Variants in CCPG1 observed in about 807,000 individuals in gnomAD.
The protein encoded by CCPG1 is cell cycle progression protein 1.
A neutral mutation model predicts 81.3 loss-of-function variants in CCPG1; 46 were observed. The ratio of observed to expected loss-of-function variants is 0.57; its 90% CI spans 0.45 to 0.72. The LOEUF (loss-of-function observed/expected upper bound fraction) is 0.72. CCPG1 is among the 30% of genes least tolerant of loss of function. The pLI, the probability that CCPG1 is intolerant of heterozygous loss-of-function variation, is 0.00. For synonymous variants in CCPG1, 330 were observed against 305.2 expected, an observed-to-expected ratio of 1.08 and a Z score of -0.85; for missense variants, 902 against 937.6, an observed-to-expected ratio of 0.96 and a Z score of 0.50.
intron 5 of CCPG1, chr15:55,374,216 C>A: frequency 7.8e-7 from 1 of 1,288,890 alleles, no homozygotes; most frequent in Non-Finnish European, 1.0e-6. Flanking sequence ...CCCATATGCA[C>A]TCAGGAATCT....
Position 55,359,529 on chromosome 15 carries a change from G to A in CCPG1, c.2234+10C>T, listed in dbSNP as rs771098410. On this transcript the variant is annotated intron_variant, in intron 8 of 8. Transcript: ENST00000442196. Reference sequence around the variant, plus strand: ...AACTACTGTAATGACACGGTTTTATGTAAACCGACCTGGGTCCATATGGAG... The same window carrying A: ...AACTACTGTAATGACACGGTTTTATATAAACCGACCTGGGTCCATATGGAG... 4.4e-6 allele frequency: 7 copies of A among 1,584,100 alleles called. No individual in the cohort carries two copies. The highest frequency in any genetic ancestry group is 6.0e-6 in the Non-Finnish European group (7 of 1,168,776).
At chr15:55,360,965 GA>G (rs2056180506) in intron 7 of CCPG1, 21 bp from the exon 8 acceptor site, 1 of 1,489,038 alleles carries the variant, frequency 6.7e-7, no homozygotes, top group Admixed American at 2.5e-5. Context: ...TTTTGAAAGA[GA>G]AGAAATAAAA....
At chr15:55,392,696 T>G (rs2056945259) in intron 1 of CCPG1, among the ~76,000 whole-genome samples, 2 of 152,168 alleles carry the variant, frequency 1.3e-5, no homozygotes, top group South Asian at 4.1e-4. Flanking sequence ...TTTGTATTTT[T>G]TGTAAAGACA....
intron 5 of CCPG1, chr15:55,374,302 T>TA (rs2141274991): frequency 3.2e-6 from 3 of 939,896 alleles, no homozygotes; most frequent in African/African-American, 1.7e-5. Flanking sequence ...TTATAAAGAC[T>TA]AAAAAGAAAA....
chr15:55,356,590 C>A, intron 8 of CCPG1, 181 bp from the exon 9 acceptor site: 1 of 1,231,870 alleles, frequency 8.1e-7, no homozygotes, highest in South Asian at 3.5e-5. Context: ...GTTTTTTTGT[C>A]CTATAGAAAG....
At position 55,408,357 on chromosome 15, in the gene CCPG1, G is replaced by C. The variant is rs1418863528; in HGVS notation, c.-146C>G. The C allele has an allele frequency of 6.1e-6, 1 of 162,794 alleles. No individual in the cohort carries two copies. The highest frequency in any genetic ancestry group is 6.4e-5 in the Admixed American group (1 of 15,554). 10.1% of individuals were successfully genotyped at this position (162,794 alleles called of 1,614,324 possible). On this transcript the variant is annotated 5_prime_UTR_variant, in exon 1 of 9. Coordinates refer to ENST00000442196, the MANE Select transcript of CCPG1 (RefSeq NM_001204450.2). ...GCAGCCGGCAGGCGGTGACCGGCTG[G>C]GCGCCGCAGTGCATGCCGTGACGCG...
chr15:55,381,426 ACT>A (rs1443522670), intron 3 of CCPG1, among the ~76,000 whole-genome samples: 1 of 152,190 alleles, frequency 6.6e-6, no homozygotes, highest in Non-Finnish European at 1.5e-5. Context: ...ACAGTGCGAG[ACT>A]CTGTCTCATA....
intron 1 of CCPG1, among the ~76,000 whole-genome samples, chr15:55,405,148 G>T (rs1368316650): frequency 6.6e-6 from 1 of 151,358 alleles, no homozygotes; most frequent in Non-Finnish European, 1.5e-5. Flanking sequence ...ACCACCTGAG[G>T]TCGGGAGTTT....
intron 3 of CCPG1, among the ~76,000 whole-genome samples, chr15:55,381,693 A>T (rs1461230412): frequency 6.6e-6 from 1 of 152,188 alleles, no homozygotes; most frequent in Non-Finnish European, 1.5e-5. Flanking sequence ...TTTTACTGTA[A>T]TTTTTTTAAA....
chr15:55,378,117 T>C (rs1353768888), intron 4 of CCPG1, among the ~76,000 whole-genome samples, 183 bp downstream of exon 4: 1 of 152,230 alleles, frequency 6.6e-6, no homozygotes, highest in Non-Finnish European at 1.5e-5. Context: ...GGTGAAAAGA[T>C]AGATCTTTAA....
chr15:55,372,274 TG>T, intron 5 of CCPG1: 1 of 564,430 alleles, frequency 1.8e-6, no homozygotes, highest in Non-Finnish European at 3.1e-6. Context: ...TCATACTATT[TG>T]GTGCTTTGAG....
At chr15:55,384,876 A>G (rs916899744) in intron 3 of CCPG1, among the ~76,000 whole-genome samples, 1 of 152,218 alleles carries the variant, frequency 6.6e-6, no homozygotes, top group Non-Finnish European at 1.5e-5. Context: ...CTCCATCAAC[A>G]TGATAATAAC....
At chr15:55,386,886 G>C (rs972615437) in intron 2 of CCPG1, among the ~76,000 whole-genome samples, 26 of 143,878 alleles carry the variant, frequency 1.8e-4, no homozygotes, top group Non-Finnish European at 3.5e-4. Context: ...GACAGAGCAA[G>C]ACTCCATCTC....
intron 7 of CCPG1, among the ~76,000 whole-genome samples, chr15:55,363,544 G>T (rs1485377741): frequency 4.7e-5 from 7 of 150,434 alleles, no homozygotes; most frequent in African/African-American, 1.7e-4. Flanking sequence ...AACTTCAGAA[G>T]TACCTCCCTG....
intron 5 of CCPG1, among the ~76,000 whole-genome samples, chr15:55,374,825 T>C (rs1271758398): frequency 1.3e-5 from 2 of 152,036 alleles, no homozygotes; most frequent in Non-Finnish European, 2.9e-5. Flanking sequence ...TACAGGCACC[T>C]GGCTAAATTT....
In CCPG1 at chr15:55,373,222, T is replaced by C. The variant is rs576387078; in HGVS notation, c.455-1178A>G. On this transcript the variant is annotated intron_variant, in intron 5 of 8. Coordinates refer to ENST00000442196, the MANE Select transcript of CCPG1 (RefSeq NM_001204450.2). ...TGTTTCTTATGTCAACAAACTATTA[T>C]GTTGACACAGAAGCTTCAATTACTC... is the stretch of plus-strand genomic sequence containing the variant. Among the ~76,000 whole-genome samples, 15 of 152,348 alleles carry C rather than the reference T, an allele frequency of 9.8e-5. No individual in the cohort carries two copies. In the South Asian group the frequency reaches 1.0e-3, roughly 11 times the overall value.
chr15:55,396,154 CAAAAAAA>C (rs57419686), intron 1 of CCPG1, among the ~76,000 whole-genome samples: 2 of 123,092 alleles, frequency 1.6e-5, no homozygotes, highest in East Asian at 2.3e-4. Context: ...ACTCCACCTC[CAAAAAAA>C]AAAAAAAAAA....
chr15:55,394,714 C>G (rs973759145), intron 1 of CCPG1, among the ~76,000 whole-genome samples: 6 of 151,868 alleles, frequency 4.0e-5, no homozygotes, highest in Non-Finnish European at 8.8e-5. Flanking sequence ...AGAAATTGAT[C>G]CTCACAGTCT....
intron 6 of CCPG1, among the ~76,000 whole-genome samples, chr15:55,368,592 T>C (rs16976299): frequency 0.036 from 5,547 of 152,260 alleles, 102 homozygotes; most frequent in African/African-American, 0.05. Context: ...GGAATGTTGA[T>C]AGTCACAAGC....
Sources: gnomAD v4.1 joint callset for allele counts (sites outside exome capture counted in the v4.1 genomes callset) on GRCh38, gnomAD v4.1.1 for gene constraint, MANE v1.5 for transcripts, NCBI Gene and HGNC (gene_info 2026-07-23, HGNC 2026-07-21) for gene names.